NOX4: variants seen among roughly 807,000 people sequenced by gnomAD.
NOX4 encodes the protein NADPH oxidase 4.
In NOX4, 69 loss-of-function variants were observed where a neutral mutation model predicts 87.6. The observed-to-expected ratio is 0.79, with a 90% CI of 0.65 to 0.96. The LOEUF (loss-of-function observed/expected upper bound fraction) is 0.96, where lower values mean the gene tolerates loss of function less well. Among genes scored for constraint, NOX4 ranks in the 40% least tolerant of loss-of-function variants. The probability of loss-of-function intolerance (pLI) is 0.00; values close to 1 mark genes in which losing one functional copy is unlikely to be tolerated. For missense variants in NOX4, 680 were observed against 681.5 expected, an observed-to-expected ratio of 1.00 and a Z score of 0.02; for synonymous variants, 275 against 238.2, an observed-to-expected ratio of 1.15 and a Z score of -1.42.
the NOX4 span, among the ~76,000 whole-genome samples, chr11:89,525,622 T>C: frequency 6.6e-6 from 1 of 152,118 alleles, no homozygotes; most frequent in African/African-American, 2.4e-5. Flanking sequence ...ATAAAGGTTA[T>C]TTGACAGATA....
intron 2 of NOX4, among the ~76,000 whole-genome samples, chr11:89,457,431 G>A (rs946891081): frequency 1.3e-5 from 2 of 152,124 alleles, no homozygotes; most frequent in Non-Finnish European, 2.9e-5. Flanking sequence ...TGCCACCCAA[G>A]CCAACAGGAG....
the NOX4 span, among the ~76,000 whole-genome samples, chr11:89,558,109 G>C: frequency 3.3e-5 from 5 of 152,196 alleles, no homozygotes; most frequent in African/African-American, 1.2e-4. Context: ...CTTGTACCCT[G>C]AGTATGAGCA....
chr11:89,528,865 C>G, the NOX4 span, among the ~76,000 whole-genome samples: 1 of 152,202 alleles, frequency 6.6e-6, no homozygotes, highest in African/African-American at 2.4e-5. Context: ...ATCAATTTAT[C>G]TATCTATCTT....
At chr11:89,406,139 G>T (rs1250424735) in intron 8 of NOX4, among the ~76,000 whole-genome samples, 1 of 152,020 alleles carries the variant, frequency 6.6e-6, no homozygotes, top group Non-Finnish European at 1.5e-5. Flanking sequence ...TTTGGTATTA[G>T]TGCAGAATTT....
At chr11:89,556,877 G>A in the NOX4 span, 1 of 152,072 alleles carries the variant, frequency 6.6e-6, no homozygotes, top group African/African-American at 2.4e-5. Flanking sequence ...TATGAGATGG[G>A]GTGGAGGAGC....
chr11:89,574,060 T>G, the NOX4 span, among the ~76,000 whole-genome samples: 1 of 152,194 alleles, frequency 6.6e-6, no homozygotes, highest in Non-Finnish European at 1.5e-5. Flanking sequence ...TTAATGTTAA[T>G]AGCTTTGGAT....
the NOX4 span, among the ~76,000 whole-genome samples, chr11:89,546,290 C>A: frequency 1.3e-5 from 2 of 152,222 alleles, no homozygotes; most frequent in South Asian, 4.1e-4. Context: ...GTTTCCAGTT[C>A]TTAAATTATA....
chr11:89,576,486 C>T, the NOX4 span, among the ~76,000 whole-genome samples: 1 of 152,106 alleles, frequency 6.6e-6, no homozygotes, highest in Non-Finnish European at 1.5e-5. Flanking sequence ...ATATTTTAAT[C>T]GTGGCTATAT....
the NOX4 span, among the ~76,000 whole-genome samples, chr11:89,588,803 T>C: frequency 6.6e-6 from 1 of 152,154 alleles, no homozygotes; most frequent in Admixed American, 6.6e-5. Flanking sequence ...TGATTGAGAA[T>C]GCGAAATAAA....
chr11:89,536,323 T>A, the NOX4 span, among the ~76,000 whole-genome samples: 1 of 151,946 alleles, frequency 6.6e-6, no homozygotes, highest in African/African-American at 2.4e-5. Flanking sequence ...ATTTCTTGTA[T>A]TTTTAGCAGA....
At chr11:89,359,478 C>T (rs1389898132) in intron 12 of NOX4, among the ~76,000 whole-genome samples, 5 of 147,046 alleles carry the variant, frequency 3.4e-5, no homozygotes, top group African/African-American at 1.3e-4. Flanking sequence ...AGTATGCAAA[C>T]CTATTCCTGG....
At chr11:89,452,579 A>G (rs1945011461) in intron 2 of NOX4, among the ~76,000 whole-genome samples, 1 of 152,248 alleles carries the variant, frequency 6.6e-6, no homozygotes, top group East Asian at 1.9e-4. Context: ...TTGACAAATA[A>G]TAATTGTATA....
rs184052821 is a variant in NOX4 at position 89,330,101 on chromosome 11, G to A, written c.1617-3225C>T. On this transcript the variant is annotated intron_variant, in intron 17 of 17. Transcript: ENST00000263317. ...AAGATGAATGCAAAAATAGCAAAAC[G>A]GATGGAAGAAATGGAAGTACATGAA... is the stretch of plus-strand genomic sequence containing the variant. Among the ~76,000 whole-genome samples, 627 of 152,102 alleles carry A rather than the reference G, an allele frequency of 4.1e-3. 5 individuals are homozygous for A. The highest frequency in any genetic ancestry group is 0.013 in the African/African-American group (543 of 41,506).
the NOX4 span, among the ~76,000 whole-genome samples, chr11:89,557,671 G>C: frequency 5.0e-3 from 756 of 152,170 alleles, 3 homozygotes; most frequent in African/African-American, 0.01. Flanking sequence ...ATGGAGAAAG[G>C]TAGCAGTATT....
rs771935960 is a variant in NOX4, at chr11:89,331,243, G to A, written c.1617-4367C>T. Reference sequence around the variant, plus strand: ...AGACAACATTTTAAAATAACCCATGGGTCAAAGAAAAAACATAAAAAATAA... The same window carrying A: ...AGACAACATTTTAAAATAACCCATGAGTCAAAGAAAAAACATAAAAAATAA... On this transcript the variant is annotated intron_variant, in intron 17 of 17. Transcript: ENST00000263317. Among the ~76,000 whole-genome samples the A allele has an allele frequency of 2.6e-4, 39 of 151,262 alleles. 1 individual carries two copies. The highest frequency in any genetic ancestry group is 6.9e-3 in the Middle Eastern group (2 of 288).
intron 11 of NOX4, among the ~76,000 whole-genome samples, chr11:89,375,702 AC>A (rs1939789322): frequency 6.6e-6 from 1 of 152,218 alleles, no homozygotes; most frequent in African/African-American, 2.4e-5. Context: ...CCACGATTTA[AC>A]TATATACTAC....
chr11:89,510,739 C>T, the NOX4 span, among the ~76,000 whole-genome samples: 1 of 152,110 alleles, frequency 6.6e-6, no homozygotes, highest in African/African-American at 2.4e-5. Flanking sequence ...TCCATTTTAG[C>T]AGCAACATGC....
At chr11:89,426,945 C>T (rs1400770296) in intron 7 of NOX4, among the ~76,000 whole-genome samples, 10 of 152,128 alleles carry the variant, frequency 6.6e-5, no homozygotes, top group Admixed American at 2.0e-4. Context: ...CCCTGACCCC[C>T]GAGTAGCCTA....
chr11:89,507,687 G>T, the NOX4 span, among the ~76,000 whole-genome samples: 1 of 151,680 alleles, frequency 6.6e-6, no homozygotes, highest in Non-Finnish European at 1.5e-5. Flanking sequence ...ATAACATTCT[G>T]CTTCATTATG....
Sources: gnomAD v4.1 joint callset for allele counts (sites outside exome capture counted in the v4.1 genomes callset) on GRCh38, gnomAD v4.1.1 for gene constraint, MANE v1.5 for transcripts, NCBI Gene and HGNC (gene_info 2026-07-23, HGNC 2026-07-21) for gene names.